PCDH15: variants seen among roughly 807,000 people sequenced by gnomAD.
PCDH15 encodes protocadherin related 15.
PCDH15 carries 129 observed loss-of-function variants against 178.5 expected under a neutral mutation model. The observed-to-expected ratio is 0.72, with a 90% confidence interval of 0.63 to 0.84. The LOEUF (loss-of-function observed/expected upper bound fraction) is 0.84, where lower values mean the gene tolerates loss of function less well. Ranked by LOEUF, PCDH15 falls within the 40% of genes least tolerant of loss-of-function variation. The pLI, the probability that PCDH15 is intolerant of heterozygous loss-of-function variation, is 0.00. For synonymous variants in PCDH15, 800 were observed against 732.0 expected (o/e 1.09, Z -1.50); for missense variants, 2,230 against 2,099.9 (o/e 1.06, Z -1.21).
chr10:54,322,962 A>G lies in PCDH15; in HGVS notation c.706-5521T>C, dbSNP rs559919293. Among the ~76,000 whole-genome samples the G allele has an allele frequency of 5.9e-5, 9 of 152,286 alleles. No individual in the cohort carries two copies. The East Asian group carries it at 1.7e-3, about 29-fold the overall frequency. On this transcript the variant is annotated intron_variant, in intron 7 of 37. Coordinates refer to ENST00000644397, the MANE Select transcript of PCDH15 (RefSeq NM_001384140.1). ...GGGAGAAAAGCTATGCAAACTATGC[A>G]TCTGACAAAGGTCTAATATTCAGAA... is the stretch of plus-strand genomic sequence containing the variant.
rs533664817 is a variant in PCDH15 at position 54,795,389 on chromosome 10, G to T, written c.-29+5536C>A. ...CAGTTGGCCTTAAGAAAGTAGGATG[G>T]ACAGTAGGGAGATATCTTTTCTAGT... On this transcript the variant is annotated intron_variant, in intron 1 of 37. Transcript: ENST00000644397. Among the ~76,000 whole-genome samples the T allele has an allele frequency of 2.5e-4, 38 of 151,932 alleles. 1 individual carries two copies. In the South Asian group the frequency reaches 7.7e-3, roughly 31 times the overall value.
intron 2 of PCDH15, among the ~76,000 whole-genome samples, chr10:55,415,234 A>G (rs1163030474): frequency 1.3e-5 from 2 of 151,684 alleles, no homozygotes; most frequent in African/African-American, 4.8e-5. Flanking sequence ...TGTTACATAA[A>G]CCTTGTATTC....
In PCDH15 at chr10:55,479,681, G is replaced by T. The variant is rs1035389322; in HGVS notation, c.-156+147944C>A. On this transcript the variant is annotated intron_variant, in intron 2 of 5. Coordinates refer to the PCDH15 transcript ENST00000613346. ...TCATAGCCTGAGCAATTAGGCAAAA[G>T]AAATAAGTAAATTGGAAAGAAGAAA... is the stretch of plus-strand genomic sequence containing the variant. 2.0e-5 allele frequency among the ~76,000 whole-genome samples: 3 copies of T among 151,578 alleles called. No individual in the cohort carries two copies. In the South Asian group the frequency reaches 6.2e-4, roughly 31 times the overall value.
intron 2 of PCDH15, among the ~76,000 whole-genome samples, chr10:55,033,229 A>AGATAGCACCCACTAGGGCAATGATT (rs1383605962): frequency 2.0e-5 from 3 of 152,274 alleles, no homozygotes; most frequent in African/African-American, 7.2e-5. Context: ...GCTACATCAC[A>AGATAGCACCCACTAGGGCAATGATT]GATAGCACCC....
intron 21 of PCDH15, among the ~76,000 whole-genome samples, chr10:53,979,288 A>G (rs1386698817): frequency 6.6e-6 from 1 of 152,212 alleles, no homozygotes; most frequent in Non-Finnish European, 1.5e-5. Context: ...AGAGAAGTGC[A>G]GAGTGAAGTA....
rs1048196245 is a variant in PCDH15 at position 54,280,169 on chromosome 10, A to C, written c.876+37102T>G. ...TGTCACTTACAAGGTCACAGGATTT[A>C]GTAAAACCCTGCTACCCATTTCCTT... On this transcript the variant is annotated intron_variant, in intron 8 of 37. Transcript: ENST00000644397. Among the ~76,000 whole-genome samples the C allele has an allele frequency of 2.6e-5, 4 of 151,920 alleles. No homozygotes were observed. In the South Asian group the frequency reaches 8.3e-4, roughly 31 times the overall value.
At chr10:55,537,953 C>A (rs988164894) in intron 2 of PCDH15, among the ~76,000 whole-genome samples, 2 of 152,116 alleles carry the variant, frequency 1.3e-5, no homozygotes, top group African/African-American at 4.8e-5. Context: ...AAGAATTAAG[C>A]AAATCTGAGG....
intron 20 of PCDH15, among the ~76,000 whole-genome samples, chr10:54,006,684 C>A (rs1486921640): frequency 6.6e-6 from 1 of 152,124 alleles, no homozygotes. Context: ...ACTGAGTTTT[C>A]ATCTAGAAAA....
intron 13 of PCDH15, among the ~76,000 whole-genome samples, chr10:54,161,839 C>T (rs796726653): frequency 6.6e-6 from 1 of 152,012 alleles, no homozygotes. Context: ...TATATAAACC[C>T]CTAATTTTAA....
chr10:55,386,465 A>T (rs896679541), intron 2 of PCDH15, among the ~76,000 whole-genome samples: 1 of 152,100 alleles, frequency 6.6e-6, no homozygotes, highest in African/African-American at 2.4e-5. Flanking sequence ...AAATATGCTC[A>T]TCTCACTATT....
At chr10:53,815,226 A>C (rs918183829) in intron 35 of PCDH15, among the ~76,000 whole-genome samples, 14 of 152,196 alleles carry the variant, frequency 9.2e-5, no homozygotes, top group African/African-American at 1.4e-4. Flanking sequence ...GAATTAACTT[A>C]ATATTTAATT....
At chr10:55,049,532 A>G (rs1392906143) in intron 2 of PCDH15, among the ~76,000 whole-genome samples, 2 of 151,954 alleles carry the variant, frequency 1.3e-5, no homozygotes, top group African/African-American at 4.8e-5. Flanking sequence ...CTCACGGAGA[A>G]AAGTGCAGGG....
At chr10:55,233,265 T>C (rs114219932) in intron 1 of PCDH15, among the ~76,000 whole-genome samples, 2,637 of 152,248 alleles carry the variant, frequency 0.017, 50 homozygotes, top group Middle Eastern at 0.034. Flanking sequence ...TACAAAAGCT[T>C]TTGCTTTATC....
intron 8 of PCDH15, among the ~76,000 whole-genome samples, chr10:54,282,396 AG>A (rs1317182679): frequency 6.6e-6 from 1 of 152,162 alleles, no homozygotes; most frequent in Non-Finnish European, 1.5e-5. Context: ...ATAGAGTGTT[AG>A]GACTTTACAA....
chr10:55,494,701 T>C (rs758908536), intron 2 of PCDH15, among the ~76,000 whole-genome samples: 6 of 151,932 alleles, frequency 3.9e-5, no homozygotes, highest in Non-Finnish European at 8.8e-5. Context: ...TTAAAATCTT[T>C]ACTCCTGGAT....
intron 33 of PCDH15, 95 bp from the exon 34 acceptor site, chr10:53,818,108 A>T: frequency 2.5e-6 from 1 of 395,414 alleles, no homozygotes; most frequent in Non-Finnish European, 4.5e-6. Flanking sequence ...AAAATGTCTG[A>T]GTAAAACTGA....
At chr10:54,277,774 C>T (rs2058431842) in intron 8 of PCDH15, among the ~76,000 whole-genome samples, 1 of 151,460 alleles carries the variant, frequency 6.6e-6, no homozygotes, top group Non-Finnish European at 1.5e-5. Flanking sequence ...AAACACTAGT[C>T]ATTTTAAAAA....
At chr10:54,597,246 C>T (rs1265421676) in intron 2 of PCDH15, among the ~76,000 whole-genome samples, 2 of 152,036 alleles carry the variant, frequency 1.3e-5, no homozygotes, top group East Asian at 1.9e-4. Context: ...ATACCAACCA[C>T]TCTCTTGGAC....
chr10:55,588,540 A>G (rs6481162), intron 2 of PCDH15, among the ~76,000 whole-genome samples: 112,785 of 152,044 alleles, frequency 0.74, 42,708 homozygotes, highest in East Asian at 0.99. Flanking sequence ...GACAATAACA[A>G]TTTAATGTCA....
Sources: allele counts gnomAD v4.1 joint callset (sites outside exome capture counted in the v4.1 genomes callset), GRCh38; gene constraint gnomAD v4.1.1; transcripts MANE v1.5; gene names NCBI Gene and HGNC (gene_info 2026-07-23, HGNC 2026-07-21).